KDM4C: variants seen among roughly 807,000 people sequenced by gnomAD.
The protein encoded by KDM4C is lysine demethylase 4C.
In KDM4C, 81 loss-of-function variants were observed where a neutral mutation model predicts 129.3. The ratio of observed to expected loss-of-function variants is 0.63; its 90% confidence interval spans 0.52 to 0.75. The LOEUF (loss-of-function observed/expected upper bound fraction) is 0.75. Ranked by LOEUF, KDM4C falls within the 30% of genes least tolerant of loss-of-function variation. The probability of loss-of-function intolerance (pLI) is 0.00; values close to 1 mark genes in which losing one functional copy is unlikely to be tolerated. For synonymous variants in KDM4C, 573 were observed against 456.1 expected, an observed-to-expected ratio of 1.26 and a Z score of -3.26; for missense variants, 1,457 against 1,304.0, an observed-to-expected ratio of 1.12 and a Z score of -1.81.
intron 15 of KDM4C, among the ~76,000 whole-genome samples, chr9:7,042,439 G>A (rs1468035710): frequency 6.6e-6 from 1 of 152,056 alleles, no homozygotes; most frequent in African/African-American, 2.4e-5. Flanking sequence ...ACTTAATGAT[G>A]TTATACCAAT....
chr9:6,969,218 G>C (rs1048174812), intron 8 of KDM4C, among the ~76,000 whole-genome samples: 2 of 152,314 alleles, frequency 1.3e-5, no homozygotes, highest in East Asian at 1.9e-4. Context: ...TTATAGGCTT[G>C]AGCCACCGTG....
At chr9:6,963,742 A>G (rs1164243080) in intron 8 of KDM4C, among the ~76,000 whole-genome samples, 1 of 152,174 alleles carries the variant, frequency 6.6e-6, no homozygotes, top group South Asian at 2.1e-4. Flanking sequence ...CTTCCAGAGA[A>G]GCATCATTTT....
At chr9:7,030,472 T>C (rs1302350610) in intron 15 of KDM4C, among the ~76,000 whole-genome samples, 1 of 152,184 alleles carries the variant, frequency 6.6e-6, no homozygotes, top group Non-Finnish European at 1.5e-5. Flanking sequence ...TTCTGGGTGA[T>C]GATGTGTCAG....
chr9:7,056,562 A>G (rs975294234), intron 17 of KDM4C, among the ~76,000 whole-genome samples: 20 of 152,360 alleles, frequency 1.3e-4, no homozygotes, highest in African/African-American at 4.8e-4. Context: ...GAAAATGTGT[A>G]AATGCATGAA....
intron 19 of KDM4C, among the ~76,000 whole-genome samples, chr9:7,157,061 TC>T (rs1306859501): frequency 6.6e-6 from 1 of 152,188 alleles, no homozygotes; most frequent in African/African-American, 2.4e-5. Context: ...CTTGAAGAGG[TC>T]CTTCACATCC....
At chr9:7,003,766 C>G (rs764608018) in intron 12 of KDM4C, among the ~76,000 whole-genome samples, 5 of 152,098 alleles carry the variant, frequency 3.3e-5, no homozygotes, top group Non-Finnish European at 5.9e-5. Flanking sequence ...CTTTTGAACA[C>G]AGCTTTATAA....
At chr9:7,146,008 T>G (rs1212224999) in intron 19 of KDM4C, among the ~76,000 whole-genome samples, 1 of 152,244 alleles carries the variant, frequency 6.6e-6, no homozygotes, top group African/African-American at 2.4e-5. Context: ...ATGACGGCTC[T>G]TTGTTCCTTT....
intron 4 of KDM4C, among the ~76,000 whole-genome samples, chr9:6,848,023 C>T (rs984246287): frequency 6.6e-6 from 1 of 152,140 alleles, no homozygotes; most frequent in East Asian, 1.9e-4. Context: ...TTGGAGAGGA[C>T]AATTTTGGTA....
At chr9:7,065,153 C>A (rs1832251033) in intron 17 of KDM4C, among the ~76,000 whole-genome samples, 1 of 152,066 alleles carries the variant, frequency 6.6e-6, no homozygotes, top group Non-Finnish European at 1.5e-5. Flanking sequence ...TTTGTCAAAC[C>A]CATGAAAATG....
chr9:6,998,841 A>G (rs899110373), intron 12 of KDM4C, among the ~76,000 whole-genome samples: 1 of 152,176 alleles, frequency 6.6e-6, no homozygotes. Flanking sequence ...AACAACAACA[A>G]AAAATTGTTT....
At chr9:6,989,067 A>G (rs989035325) in intron 11 of KDM4C, among the ~76,000 whole-genome samples, 2 of 152,236 alleles carry the variant, frequency 1.3e-5, no homozygotes, top group East Asian at 3.8e-4. Context: ...TGACAACGGT[A>G]TGGTGCATAG....
intron 15 of KDM4C, among the ~76,000 whole-genome samples, chr9:7,043,224 C>T (rs894460933): frequency 6.6e-6 from 1 of 151,932 alleles, no homozygotes; most frequent in South Asian, 2.1e-4. Context: ...CTCTGTTCTT[C>T]TAATTTTTAT....
intron 8 of KDM4C, among the ~76,000 whole-genome samples, chr9:6,950,442 C>G (rs951904193): frequency 1.3e-5 from 2 of 152,068 alleles, no homozygotes; most frequent in African/African-American, 2.4e-5. Flanking sequence ...GTAAATTCAT[C>G]CATACAGATT....
chr9:6,984,662 A>T (rs1027307765), intron 10 of KDM4C, among the ~76,000 whole-genome samples: 1 of 136,730 alleles, frequency 7.3e-6, no homozygotes, highest in African/African-American at 2.6e-5. Context: ...AGATTCTAAA[A>T]TGAGTTTTTT....
At chr9:6,968,199 C>T (rs575961406) in intron 8 of KDM4C, among the ~76,000 whole-genome samples, 1 of 152,180 alleles carries the variant, frequency 6.6e-6, no homozygotes, top group South Asian at 2.1e-4. Flanking sequence ...TGAACAATGC[C>T]CTGGGTGCAC....
intron 19 of KDM4C, among the ~76,000 whole-genome samples, chr9:7,129,664 G>A (rs573323025): frequency 6.6e-6 from 1 of 152,136 alleles, no homozygotes; most frequent in Non-Finnish European, 1.5e-5. Context: ...GCGGGTAAAT[G>A]GATGCTTTCT....
intron 4 of KDM4C, among the ~76,000 whole-genome samples, chr9:6,832,677 G>A (rs76468282): frequency 0.091 from 13,643 of 149,300 alleles, 844 homozygotes; most frequent in East Asian, 0.26. Flanking sequence ...CACCCGCCTC[G>A]GCCTCCCAAA....
Position 7,019,736 on chromosome 9 carries a change from A to AAAAATATAATATTTTTATATAT in KDM4C, c.2259+3812_2259+3833dup, listed in dbSNP as rs1563993128. On this transcript the variant is annotated intron_variant, in intron 15 of 21. Coordinates refer to ENST00000381309, the MANE Select transcript of KDM4C (RefSeq NM_015061.6). ...ATAAAAATATAATATTTTTATATAT[A>AAAAATATAATATTTTTATATAT]AAAATATAATATTTTTATATATAAA... is the stretch of plus-strand genomic sequence containing the variant. 3.6e-3 allele frequency among the ~76,000 whole-genome samples: 423 copies of AAAAATATAATATTTTTATATAT among 117,392 alleles called. 20 individuals carry two copies. Among genetic ancestry groups the AAAAATATAATATTTTTATATAT allele is most frequent in the African/African-American group, 0.015 (401 of 27,554 alleles). 77.0% of individuals were successfully genotyped at this position (117,392 alleles called of 152,430 possible).
At position 6,758,343 on chromosome 9, in the gene KDM4C, C is replaced by A; in HGVS notation, c.-18+140C>A. On this transcript the variant is annotated intron_variant, in intron 1 of 21. Coordinates refer to ENST00000381309, the MANE Select transcript of KDM4C (RefSeq NM_015061.6). This position sits in a 1 kb window ranked among gnomAD's most constrained non-coding sequence, Gnocchi z 4.6. ...GACGCTGGGGCAGAGACGCTCCGTCCGTGACTGCAGCGACTGTCAAGCTGG... is the reference window on the plus strand; with the variant it reads ...GACGCTGGGGCAGAGACGCTCCGTCAGTGACTGCAGCGACTGTCAAGCTGG... 2.6e-6 allele frequency: 1 copy of A among 390,310 alleles called. No individual in the cohort carries two copies. The highest frequency in any genetic ancestry group is 3.5e-6 in the Non-Finnish European group (1 of 285,774). 24.2% of individuals were successfully genotyped at this position (390,310 alleles called of 1,614,324 possible). A position where few individuals can be genotyped will look rare whatever the true frequency, so the allele number is the denominator to read the frequency against.
Sources: gnomAD v4.1 joint callset for allele counts (sites outside exome capture counted in the v4.1 genomes callset) on GRCh38, gnomAD v4.1.1 for gene constraint, Gnocchi (gnomAD v3.1) non-coding constraint, MANE v1.5 for transcripts, NCBI Gene and HGNC (gene_info 2026-07-23, HGNC 2026-07-21) for gene names.